Variants in LPA observed in about 807,000 individuals in gnomAD.
LPA encodes apolipoprotein(a).
A neutral mutation model predicts 197.9 loss-of-function variants in LPA; 199 were observed. That is an observed-to-expected ratio of 1.01 (90% confidence interval 0.90 to 1.13). The LOEUF is 1.13. Ranked by LOEUF, LPA falls within the 50% of genes most tolerant of loss-of-function variation. The pLI, the probability that LPA is intolerant of heterozygous loss-of-function variation, is 0.00. For missense variants in LPA, 1,853 were observed against 1,785.8 expected (o/e 1.04, Z -0.68); for synonymous variants, 715 against 639.5 (o/e 1.12, Z -1.78).
At chr6:160,560,733 G>T (rs535200051) in intron 28 of LPA, among the ~76,000 whole-genome samples, 1 of 151,738 alleles carries the variant, frequency 6.6e-6, no homozygotes, top group East Asian at 1.9e-4. Flanking sequence ...TCCATAGGTT[G>T]CTTTTTCACT....
chr6:160,599,429 T>A, intron 20 of LPA, 71 bp downstream of exon 20: 1 of 1,598,218 alleles, frequency 6.3e-7, no homozygotes, highest in Non-Finnish European at 8.6e-7. Context: ...GCAGTCACCT[T>A]GAAGCATGAC....
intron 7 of LPA, among the ~76,000 whole-genome samples, chr6:160,634,748 T>A (rs1231239219): frequency 1.3e-5 from 2 of 151,770 alleles, no homozygotes. Flanking sequence ...TGCTGAAGAT[T>A]GCACTGACTG....
Position 160,593,465 on chromosome 6 carries a change from A to G in LPA, c.3629+493T>C, listed in dbSNP as rs1583604283. ...TACTTTTGCCCCTCATGTGCTGGCAACACATAGCTCTTCAGATACCTTGTT... is the reference window on the plus strand; with the variant it reads ...TACTTTTGCCCCTCATGTGCTGGCAGCACATAGCTCTTCAGATACCTTGTT... On this transcript the variant is annotated intron_variant, in intron 22 of 38. Transcript: ENST00000316300. Among the ~76,000 whole-genome samples the G allele has an allele frequency of 2.0e-5, 3 of 152,258 alleles. No homozygotes were observed. In the East Asian group the frequency reaches 5.8e-4, roughly 29 times the overall value.
At chr6:160,544,085 G>A (rs1324425179) in intron 33 of LPA, among the ~76,000 whole-genome samples, 1 of 152,190 alleles carries the variant, frequency 6.6e-6, no homozygotes, top group Non-Finnish European at 1.5e-5. Flanking sequence ...CAATGTGGGT[G>A]AGGACAGCAG....
At chr6:160,643,083 AGTGTGT>A (rs767484310) in intron 4 of LPA, among the ~76,000 whole-genome samples, 94 of 130,712 alleles carry the variant, frequency 7.2e-4, no homozygotes, top group East Asian at 2.8e-3. Context: ...GTGTGTTTTC[AGTGTGT>A]GTGTGTGTGT....
intron 16 of LPA, among the ~76,000 whole-genome samples, chr6:160,608,671 C>T (rs183988220): frequency 3.9e-5 from 6 of 152,204 alleles, no homozygotes; most frequent in East Asian, 3.9e-4. Context: ...GAAAAGTTTT[C>T]GGCCATCCTT....
rs1401826580 is a variant in LPA at position 160,580,389 on chromosome 6, G to A, written c.4290-1685C>T. 7.9e-5 allele frequency among the ~76,000 whole-genome samples: 12 copies of A among 152,074 alleles called. No individual in the cohort carries two copies. The East Asian group carries it at 2.1e-3, about 27-fold the overall frequency. ...TATGAATATTTATATAGATTTTTGT[G>A]GACTTATGTTTTCATTTTGGGGGGT... On this transcript the variant is annotated intron_variant, in intron 26 of 38. Transcript: ENST00000316300.
intron 25 of LPA, among the ~76,000 whole-genome samples, chr6:160,585,429 C>G (rs958121628): frequency 6.6e-6 from 1 of 151,958 alleles, no homozygotes; most frequent in Non-Finnish European, 1.5e-5. Context: ...AACAAACAAA[C>G]AAAGAAACAA....
intron 23 of LPA, 31 bp from the exon 24 acceptor site, chr6:160,589,743 G>A (rs1369366621): frequency 1.9e-6 from 3 of 1,612,650 alleles, no homozygotes; most frequent in African/African-American, 2.7e-5. Context: ...AACAAACTGA[G>A]TAATTTCCAG....
chr6:160,608,841 G>GTA (rs1278286010), intron 16 of LPA, among the ~76,000 whole-genome samples: 1 of 151,900 alleles, frequency 6.6e-6, no homozygotes, highest in East Asian at 1.9e-4. Flanking sequence ...GTGTGTGTGT[G>GTA]TGAACTTGTG....
intron 20 of LPA, among the ~76,000 whole-genome samples, chr6:160,596,831 TA>T (rs1779142565): frequency 6.6e-6 from 1 of 152,172 alleles, no homozygotes; most frequent in African/African-American, 2.4e-5. Context: ...TAAAATTATG[TA>T]AAAGCCTAAA....
chr6:160,589,220 T>A (rs748645878), intron 24 of LPA, among the ~76,000 whole-genome samples: 3 of 152,230 alleles, frequency 2.0e-5, no homozygotes, highest in South Asian at 2.1e-4. Context: ...AATGACAGAA[T>A]TCCCTGGTTG....
At chr6:160,646,527 A>T (rs1175062571) in intron 2 of LPA, 132 bp from the exon 3 acceptor site, 1 of 19,066 alleles carries the variant, frequency 5.2e-5, no homozygotes, top group East Asian at 8.5e-4. Flanking sequence ...GTACCATATG[A>T]TTGCCACCAG....
At chr6:160,574,642 A>G (rs1404119422) in intron 28 of LPA, among the ~76,000 whole-genome samples, 1 of 152,148 alleles carries the variant, frequency 6.6e-6, no homozygotes, top group Non-Finnish European at 1.5e-5. Context: ...GCCCAGGTAA[A>G]GTTGGGAACT....
chr6:160,568,198 T>C (rs1465354855), intron 28 of LPA, among the ~76,000 whole-genome samples: 2 of 152,162 alleles, frequency 1.3e-5, no homozygotes, highest in Admixed American at 1.3e-4. Flanking sequence ...ATGAGAATTT[T>C]AGACCAACAT....
At chr6:160,553,474 T>G (rs1778198224) in intron 30 of LPA, among the ~76,000 whole-genome samples, 1 of 152,210 alleles carries the variant, frequency 6.6e-6, no homozygotes, top group African/African-American at 2.4e-5. Flanking sequence ...ATTTGTTTGT[T>G]TTGGCTGGAC....
At chr6:160,581,618 T>C (rs902179121) in intron 26 of LPA, among the ~76,000 whole-genome samples, 1 of 152,210 alleles carries the variant, frequency 6.6e-6, no homozygotes, top group African/African-American at 2.4e-5. Context: ...TTGATTACTG[T>C]GTCTTTATGA....
At chr6:160,570,101 G>A (rs1397344021) in intron 28 of LPA, among the ~76,000 whole-genome samples, 1 of 152,186 alleles carries the variant, frequency 6.6e-6, no homozygotes, top group Non-Finnish European at 1.5e-5. Context: ...TTTAGAACTA[G>A]AAATACCATT....
rs140557594 is a variant in LPA, at chr6:160,555,600, T to C, written c.4973+425A>G. ...GTCTGAATAAACACACCTGGTTATA[T>C]ATATACTCATATACATGTGAATTAT... is the stretch of plus-strand genomic sequence containing the variant. On this transcript the variant is annotated intron_variant, in intron 30 of 38. Coordinates refer to ENST00000316300, the MANE Select transcript of LPA (RefSeq NM_005577.4). 2.6e-4 allele frequency among the ~76,000 whole-genome samples: 39 copies of C among 151,466 alleles called. No homozygotes were observed. The East Asian group carries it at 7.0e-3, about 27-fold the overall frequency.
Sources: gnomAD v4.1 joint callset for allele counts (sites outside exome capture counted in the v4.1 genomes callset) on GRCh38, gnomAD v4.1.1 for gene constraint, MANE v1.5 for transcripts, NCBI Gene and HGNC (gene_info 2026-07-23, HGNC 2026-07-21) for gene names.